The following CTNNA2 variants were observed in gnomAD, a reference collection of about 807,000 sequenced individuals.
CTNNA2 encodes catenin alpha-2.
Under a neutral mutation model 101.0 loss-of-function variants are expected in CTNNA2, and 42 were observed. The observed-to-expected ratio is 0.42, with a 90% CI of 0.32 to 0.54. The LOEUF (loss-of-function observed/expected upper bound fraction) is 0.54. CTNNA2 is among the 20% of genes least tolerant of loss of function. The pLI is 0.14. For missense variants in CTNNA2, 871 were observed against 1,223.1 expected (o/e 0.71, Z 4.29); for synonymous variants, 450 against 456.4 (o/e 0.99, Z 0.18).
At chr2:80,523,093 T>C (rs1271082510) in intron 9 of CTNNA2, among the ~76,000 whole-genome samples, 3 of 151,934 alleles carry the variant, frequency 2.0e-5, no homozygotes, top group Non-Finnish European at 4.4e-5. Context: ...GTAATGAAAA[T>C]AGGGTCAGGG....
At chr2:79,905,802 C>T (rs1279109952) in intron 6 of CTNNA2, among the ~76,000 whole-genome samples, 1 of 152,082 alleles carries the variant, frequency 6.6e-6, no homozygotes, top group East Asian at 1.9e-4. Context: ...GATGGCTTAC[C>T]TGGGTGTTTC....
At chr2:79,504,438 T>C (rs4337495) in intron 4 of CTNNA2, among the ~76,000 whole-genome samples, 56,672 of 151,838 alleles carry the variant, frequency 0.37, 10,692 homozygotes, top group East Asian at 0.4. Flanking sequence ...TACAGGCACA[T>C]GCTACCACAC....
intron 4 of CTNNA2, among the ~76,000 whole-genome samples, chr2:79,405,416 C>T (rs1678330952): frequency 6.6e-6 from 1 of 152,046 alleles, no homozygotes; most frequent in Non-Finnish European, 1.5e-5. Context: ...ATCTCCACCT[C>T]CTGGGTTCAA....
intron 7 of CTNNA2, among the ~76,000 whole-genome samples, chr2:80,048,144 A>AACAACT (rs1375402129): frequency 2.6e-5 from 4 of 152,204 alleles, no homozygotes; most frequent in Admixed American, 6.5e-5. Flanking sequence ...CAACAACAAC[A>AACAACT]ACAGAGTATC....
chr2:80,240,065 G>A (rs1056321976), intron 7 of CTNNA2, among the ~76,000 whole-genome samples: 5 of 152,310 alleles, frequency 3.3e-5, no homozygotes, highest in African/African-American at 9.6e-5. Flanking sequence ...AAGTGAAAGC[G>A]TGCATAAGTG....
intron 6 of CTNNA2, 138 bp downstream of exon 6, chr2:79,874,480 C>T (rs1682850282): frequency 1.9e-6 from 2 of 1,040,468 alleles, no homozygotes; most frequent in South Asian, 1.7e-5. Context: ...AGATAAACTA[C>T]ATAATGCATT....
intron 2 of CTNNA2, among the ~76,000 whole-genome samples, chr2:79,660,266 T>A (rs1048106317): frequency 5.3e-5 from 7 of 133,218 alleles, no homozygotes; most frequent in Non-Finnish European, 1.0e-4. Context: ...TATGTATGTA[T>A]ATACACATAT....
At chr2:79,641,587 T>C (rs1254601069) in intron 1 of CTNNA2, among the ~76,000 whole-genome samples, 1 of 152,168 alleles carries the variant, frequency 6.6e-6, no homozygotes, top group East Asian at 1.9e-4. Context: ...AAATTTCATT[T>C]AGACAATTTG....
rs569274987 is a variant in CTNNA2, at chr2:80,360,505, G to A, written c.1057-32706G>A. 2.2e-4 allele frequency among the ~76,000 whole-genome samples: 34 copies of A among 152,196 alleles called. No homozygotes were observed. The South Asian group carries it at 5.2e-3, about 23-fold the overall frequency. On this transcript the variant is annotated intron_variant, in intron 7 of 18. Coordinates refer to ENST00000402739, the MANE Select transcript of CTNNA2 (RefSeq NM_001282597.3). ...TGTAAAATGGGAGAGTGGTAAGAGT[G>A]AAAGTGGAAAAGGAGAATTTCAACC... is the stretch of plus-strand genomic sequence containing the variant.
At chr2:80,264,706 C>A (rs1008771660) in intron 7 of CTNNA2, among the ~76,000 whole-genome samples, 5 of 152,082 alleles carry the variant, frequency 3.3e-5, no homozygotes, top group Admixed American at 6.5e-5. Context: ...AACATTTCAA[C>A]TATGACTTGA....
At chr2:80,344,548 G>A (rs749945876) in intron 7 of CTNNA2, among the ~76,000 whole-genome samples, 6 of 152,154 alleles carry the variant, frequency 3.9e-5, no homozygotes, top group Admixed American at 6.5e-5. Flanking sequence ...GCAGTGCCAT[G>A]ATCTTGGCTC....
chr2:79,469,088 G>C (rs1252118331), intron 4 of CTNNA2, among the ~76,000 whole-genome samples: 1 of 151,990 alleles, frequency 6.6e-6, no homozygotes, highest in Non-Finnish European at 1.5e-5. Context: ...ATGAATCCAG[G>C]AGCTGGTTTG....
At chr2:80,351,910 A>G (rs182890704) in intron 7 of CTNNA2, among the ~76,000 whole-genome samples, 1 of 152,222 alleles carries the variant, frequency 6.6e-6, no homozygotes, top group Admixed American at 6.5e-5. Flanking sequence ...AACATTCAGC[A>G]TATTAGCCAC....
chr2:79,610,043 T>C (rs998428520), intron 1 of CTNNA2, among the ~76,000 whole-genome samples: 7 of 152,108 alleles, frequency 4.6e-5, no homozygotes, highest in Non-Finnish European at 7.4e-5. Flanking sequence ...AAAGAACTTA[T>C]GTCCAGAATG....
chr2:80,540,151 T>A (rs942601817), intron 9 of CTNNA2, among the ~76,000 whole-genome samples: 2 of 152,198 alleles, frequency 1.3e-5, no homozygotes, highest in Non-Finnish European at 2.9e-5. Context: ...CCACCATTCC[T>A]TTCCTCCTCC....
At chr2:80,641,203 T>TTGA (rs1673442520) in intron 18 of CTNNA2, among the ~76,000 whole-genome samples, 1 of 152,174 alleles carries the variant, frequency 6.6e-6, no homozygotes, top group South Asian at 2.1e-4. Context: ...CCTCAGTTCT[T>TTGA]TTATTTCAAA....
intron 7 of CTNNA2, among the ~76,000 whole-genome samples, chr2:80,183,889 G>A (rs1181629190): frequency 4.3e-5 from 1 of 23,280 alleles, no homozygotes; most frequent in Non-Finnish European, 1.0e-4. Flanking sequence ...TCTTGGGTGT[G>A]TGTGTGTGTG....
rs559839506 is a variant in CTNNA2, at chr2:79,872,473, A to T, written c.586-1603A>T. 1.1e-4 allele frequency among the ~76,000 whole-genome samples: 16 copies of T among 152,262 alleles called. No homozygotes were observed. In the South Asian group the frequency reaches 3.3e-3, roughly 32 times the overall value. The stretch of plus-strand genomic sequence containing the variant: ...AAGGTTTTCATGACTGTTTGGGAGA[A>T]ACCTACCTCTCGTGCCCAAATCATT... On this transcript the variant is annotated intron_variant, in intron 5 of 18. Coordinates refer to ENST00000402739, the MANE Select transcript of CTNNA2 (RefSeq NM_001282597.3).
rs543494088 is a variant in CTNNA2, at chr2:80,647,390, A to G, written c.2575-195A>G. Among the ~76,000 whole-genome samples the G allele has an allele frequency of 2.0e-5, 3 of 152,256 alleles. No homozygotes were observed. In the South Asian group the frequency reaches 6.2e-4, roughly 32 times the overall value. On this transcript the variant is annotated intron_variant, in intron 18 of 18. Transcript: ENST00000402739. ...AAACTTTTGTTACCTTGGAATTCCT[A>G]CCTGCTAAGATGAGGGCTTTGCCAT...
Sources: gnomAD v4.1 joint callset for allele counts (sites outside exome capture counted in the v4.1 genomes callset) on GRCh38, gnomAD v4.1.1 for gene constraint, MANE v1.5 for transcripts, NCBI Gene and HGNC (gene_info 2026-07-23, HGNC 2026-07-21) for gene names.